CLCA4: variants seen among roughly 807,000 people sequenced by gnomAD.
CLCA4 encodes the protein calcium-activated chloride channel regulator 4.
In CLCA4, 69 loss-of-function variants were observed where a neutral mutation model predicts 78.9. The ratio of observed to expected loss-of-function variants is 0.87; its 90% CI spans 0.72 to 1.07. The LOEUF is 1.07. Ranked by LOEUF, CLCA4 falls within the 50% of genes least tolerant of loss-of-function variation. CLCA4 has a pLI of 0.00. For synonymous variants in CLCA4, 362 were observed against 375.8 expected, an observed-to-expected ratio of 0.96 and a Z score of 0.42; for missense variants, 1,133 against 1,095.8, an observed-to-expected ratio of 1.03 and a Z score of -0.48.
chr1:86,553,940 A>C (rs1649750973), intron 1 of CLCA4, among the ~76,000 whole-genome samples: 1 of 152,166 alleles, frequency 6.6e-6, no homozygotes, highest in Admixed American at 6.5e-5. Context: ...TGTCCAAAAA[A>C]AAAAGTTTGT....
intron 8 of CLCA4, 194 bp downstream of exon 8, chr1:86,571,448 C>A: frequency 2.0e-6 from 1 of 500,968 alleles, no homozygotes; most frequent in South Asian, 3.6e-5. Context: ...ATAACATAAT[C>A]AGATAGCATT....
In CLCA4 at chr1:86,563,888, A is replaced by AT. The variant is rs909093527; in HGVS notation, c.557+128dup. The AT allele has an allele frequency of 8.0e-4, 402 of 501,426 alleles. 1 individual carries two copies. The highest frequency in any genetic ancestry group is 1.5e-3 in the South Asian group (39 of 26,580). 31.1% of individuals were successfully genotyped at this position (501,426 alleles called of 1,614,324 possible). ...CAATATGTCACAAAACAATGCTTTT[A>AT]TTTTTTTTTAGAAAGTGTATCTTTA... On this transcript the variant is annotated intron_variant, in intron 4 of 13. Coordinates refer to ENST00000370563, the MANE Select transcript of CLCA4 (RefSeq NM_012128.4).
Position 86,547,186 on chromosome 1 carries a change from T to G in CLCA4, c.67T>G (p.Phe23Val). 1 of 1,612,252 alleles carries G rather than the reference T, an allele frequency of 6.2e-7. No homozygotes were observed. Among genetic ancestry groups the G allele is most frequent in the Non-Finnish European group, 8.5e-7 (1 of 1,179,352 alleles). The part of the protein sequence containing the change: ...LCLLHQSNTS[F>V]IKLNNNGFED... ...CCTGCTGCACCAGTCAAATACTTCC[T>G]TCATTAAGCTGAATAATAATGGCTT... The change falls in exon 1 of 14, where the codon TTC becomes GTC. Residue 23 changes from phenylalanine to valine, a missense_variant. By Grantham distance (50) the Phe-to-Val change is conservative (BLOSUM62 -1). Transcript: ENST00000370563.
chr1:86,576,367 G>A (rs897462038), intron 11 of CLCA4, among the ~76,000 whole-genome samples: 1 of 151,878 alleles, frequency 6.6e-6, no homozygotes, highest in African/African-American at 2.4e-5. Flanking sequence ...GTCAACAAAA[G>A]AGAAAAGGTC....
chr1:86,556,579 C>T (rs568974328), intron 1 of CLCA4, among the ~76,000 whole-genome samples: 1 of 152,134 alleles, frequency 6.6e-6, no homozygotes, highest in East Asian at 1.9e-4. Context: ...CTGCTGGATT[C>T]GGTTTGCCAG....
chr1:86,563,563 T>A (rs1181184945), intron 3 of CLCA4, 98 bp from the exon 4 acceptor site: 2 of 565,074 alleles, frequency 3.5e-6, no homozygotes, highest in Admixed American at 7.4e-5. Context: ...AAAACCGAAA[T>A]CTAAATATAT....
chr1:86,551,612 A>G (rs1649665291), intron 1 of CLCA4, among the ~76,000 whole-genome samples: 1 of 152,166 alleles, frequency 6.6e-6, no homozygotes, highest in African/African-American at 2.4e-5. Context: ...TTCCAGCACC[A>G]ATCTAACAGA....
At chr1:86,571,380 T>G in intron 8 of CLCA4, 126 bp downstream of exon 8, 6 of 831,152 alleles carry the variant, frequency 7.2e-6, no homozygotes, top group African/African-American at 1.7e-5. Flanking sequence ...ACCCAATCTC[T>G]GTTCTCGTGG....
At chr1:86,562,806 A>G (rs1454932820) in intron 3 of CLCA4, among the ~76,000 whole-genome samples, 2 of 151,058 alleles carry the variant, frequency 1.3e-5, no homozygotes, top group East Asian at 1.9e-4. Context: ...GTGAGCTGAG[A>G]TCGCGCCATT....
intron 12 of CLCA4, 92 bp from the exon 13 acceptor site, chr1:86,579,261 TA>T: frequency 1.1e-6 from 1 of 946,012 alleles, no homozygotes; most frequent in Non-Finnish European, 1.6e-6. Context: ...TATATTTTTT[TA>T]GAAGGAAAAG....
chr1:86,552,992 C>T (rs1418322118), intron 1 of CLCA4: 1 of 622,306 alleles, frequency 1.6e-6, no homozygotes, highest in East Asian at 2.7e-5. Context: ...TGTGCGTGGC[C>T]GTCTCCCAAG....
At chr1:86,577,842 T>C in intron 11 of CLCA4, 60 bp from the exon 12 acceptor site, 1 of 1,464,066 alleles carries the variant, frequency 6.8e-7, no homozygotes, top group South Asian at 1.3e-5. Context: ...GCCAATTGCT[T>C]GTCTTAGAAA....
intron 3 of CLCA4, among the ~76,000 whole-genome samples, chr1:86,561,220 C>T (rs1299500587): frequency 6.6e-6 from 1 of 152,178 alleles, no homozygotes; most frequent in African/African-American, 2.4e-5. Context: ...ATCCTGACCA[C>T]GTTTGTTTTC....
At chr1:86,553,770 A>G (rs543209046) in intron 1 of CLCA4, among the ~76,000 whole-genome samples, 1 of 152,136 alleles carries the variant, frequency 6.6e-6, no homozygotes, top group African/African-American at 2.4e-5. Context: ...CCCTCTCTCT[A>G]CTAAAAAATA....
At chr1:86,549,033 C>A (rs1288711097) in intron 1 of CLCA4, among the ~76,000 whole-genome samples, 9 of 152,078 alleles carry the variant, frequency 5.9e-5, no homozygotes, top group Admixed American at 5.9e-4. Context: ...CCTCTGGCAC[C>A]ATGCAGTGTA....
At chr1:86,557,785 A>G (rs547883251) in intron 1 of CLCA4, among the ~76,000 whole-genome samples, 1 of 151,172 alleles carries the variant, frequency 6.6e-6, no homozygotes, top group East Asian at 1.9e-4. Flanking sequence ...TTTCTGCCTC[A>G]ATGAAGTTTC....
chr1:86,565,858 C>T lies in CLCA4; in HGVS notation c.792C>T (p.Asn264=). 1 of 1,601,976 alleles carries T rather than the reference C, an allele frequency of 6.2e-7. No individual in the cohort carries two copies. Among genetic ancestry groups the T allele is most frequent in the Non-Finnish European group, 8.5e-7 (1 of 1,173,152 alleles). The change falls in exon 6 of 14, where the codon AAC becomes AAT. Residue 264 remains asparagine (N), a synonymous_variant. Transcript: ENST00000370563. ...ATCAAGAAGCTCCAAGCCTACAAAA[C>T]ATAAAGTGCAATTTTAGAAGTACAT... ...THNQEAPSLQ[N]IKCNFRSTWE... is the part of the protein sequence containing the mutation.
chr1:86,578,808 T>C (rs1426905387), intron 12 of CLCA4, among the ~76,000 whole-genome samples: 1 of 152,060 alleles, frequency 6.6e-6, no homozygotes, highest in African/African-American at 2.4e-5. Flanking sequence ...TAAACACTTA[T>C]TTAGAATTTT....
At chr1:86,578,144 C>A (rs2101820517) in intron 12 of CLCA4, 72 bp downstream of exon 12, 1 of 1,356,006 alleles carries the variant, frequency 7.4e-7, no homozygotes, top group South Asian at 1.5e-5. Flanking sequence ...AATTAGGCTT[C>A]AAACAGGTTG....
Sources: allele counts gnomAD v4.1 joint callset (sites outside exome capture counted in the v4.1 genomes callset), GRCh38; gene constraint gnomAD v4.1.1; transcripts MANE v1.5; gene names NCBI Gene and HGNC (gene_info 2026-07-23, HGNC 2026-07-21).